Variants in ELMO1 observed in about 807,000 individuals in gnomAD.
ELMO1 encodes the protein engulfment and cell motility protein 1.
In ELMO1, 26 loss-of-function variants were observed where a neutral mutation model predicts 98.9. The ratio of observed to expected loss-of-function variants is 0.26; its 90% CI spans 0.19 to 0.36. The LOEUF is 0.36. Among genes scored for constraint, ELMO1 ranks in the 10% least tolerant of loss-of-function variants. The pLI, the probability that ELMO1 is intolerant of heterozygous loss-of-function variation, is 1.00. For synonymous variants in ELMO1, 346 were observed against 346.0 expected (o/e 1.00, Z 0.00); for missense variants, 627 against 935.2 (o/e 0.67, Z 4.30).
chr7:37,320,151 C>T (rs1370417894), intron 2 of ELMO1, among the ~76,000 whole-genome samples: 2 of 152,088 alleles, frequency 1.3e-5, no homozygotes, highest in Non-Finnish European at 2.9e-5. Context: ...GTGGCCCATG[C>T]CTGTAGTTCC....
chr7:37,155,755 G>A (rs1040637838), intron 13 of ELMO1, among the ~76,000 whole-genome samples: 2 of 152,012 alleles, frequency 1.3e-5, no homozygotes, highest in Non-Finnish European at 2.9e-5. Flanking sequence ...GTCAATATTA[G>A]ACAGATCAAC....
At chr7:37,376,762 C>T (rs1016331166) in intron 1 of ELMO1, among the ~76,000 whole-genome samples, 2 of 152,198 alleles carry the variant, frequency 1.3e-5, no homozygotes, top group Non-Finnish European at 2.9e-5. Context: ...TCCTCCTGCT[C>T]GGCTGCCTTG....
At chr7:37,353,257 G>A (rs1801357545) in intron 1 of ELMO1, 1 of 152,198 alleles carries the variant, frequency 6.6e-6, no homozygotes, top group Non-Finnish European at 1.5e-5. Flanking sequence ...CGGTCTCACT[G>A]CCTTTAAGAA....
chr7:36,921,965 C>T (rs777945030), intron 16 of ELMO1, among the ~76,000 whole-genome samples: 6 of 152,144 alleles, frequency 3.9e-5, no homozygotes, highest in East Asian at 1.9e-4. Context: ...GGAGTTTTCC[C>T]TATTCCCCAT....
chr7:36,986,708 TCA>T (rs1482167281), intron 16 of ELMO1, among the ~76,000 whole-genome samples: 2 of 152,270 alleles, frequency 1.3e-5, no homozygotes, highest in South Asian at 2.1e-4. Context: ...TACCTTCTCT[TCA>T]CACACAGTTT....
At chr7:37,353,400 G>T in intron 1 of ELMO1, 1 of 157,488 alleles carries the variant, frequency 6.3e-6, no homozygotes. Context: ...GAGTGATACC[G>T]CAGACTTTCA....
At chr7:36,868,976 T>A (rs1021733123) in intron 20 of ELMO1, among the ~76,000 whole-genome samples, 2 of 152,178 alleles carry the variant, frequency 1.3e-5, no homozygotes, top group South Asian at 2.1e-4. Flanking sequence ...ATGTGCAGCA[T>A]ATGGTAATCC....
chr7:37,110,208 C>A (rs1457000662), intron 14 of ELMO1, among the ~76,000 whole-genome samples: 2 of 152,140 alleles, frequency 1.3e-5, no homozygotes, highest in Admixed American at 6.5e-5. Context: ...TTTCAGAATT[C>A]TTTCCTTTTT....
intron 16 of ELMO1, among the ~76,000 whole-genome samples, chr7:36,991,197 T>C (rs1378429431): frequency 6.6e-6 from 1 of 152,192 alleles, no homozygotes; most frequent in Non-Finnish European, 1.5e-5. Context: ...TTAGGGTGTA[T>C]ATGCAGTAGG....
intron 1 of ELMO1, among the ~76,000 whole-genome samples, chr7:37,441,656 T>C (rs977067761): frequency 6.6e-6 from 1 of 152,236 alleles, no homozygotes; most frequent in Admixed American, 6.5e-5. Context: ...ATTGCCATTA[T>C]GTAAAGGTTA....
At chr7:37,285,454 A>T (rs1476578716) in intron 4 of ELMO1, among the ~76,000 whole-genome samples, 3 of 152,224 alleles carry the variant, frequency 2.0e-5, no homozygotes, top group African/African-American at 7.2e-5. Context: ...GAAGCAAATT[A>T]TGGTAAGGCA....
intron 13 of ELMO1, among the ~76,000 whole-genome samples, chr7:37,171,533 C>T (rs1358499510): frequency 9.0e-6 from 1 of 111,714 alleles, no homozygotes; most frequent in Non-Finnish European, 1.7e-5. Context: ...CGCTCTGTCA[C>T]CCAGGCTGGA....
chr7:36,991,882 A>G (rs1368761612), intron 16 of ELMO1, among the ~76,000 whole-genome samples: 2 of 152,258 alleles, frequency 1.3e-5, no homozygotes, highest in Non-Finnish European at 2.9e-5. Flanking sequence ...TTCAGATAAC[A>G]TGTCTCCAGT....
At chr7:36,873,265 T>C (rs770276236) in intron 19 of ELMO1, among the ~76,000 whole-genome samples, 2 of 152,196 alleles carry the variant, frequency 1.3e-5, no homozygotes, top group Non-Finnish European at 2.9e-5. Context: ...TCTATTCTCA[T>C]GAGCAGAAAC....
At chr7:37,126,737 C>A (rs982993280) in intron 14 of ELMO1, among the ~76,000 whole-genome samples, 8 of 152,182 alleles carry the variant, frequency 5.3e-5, no homozygotes, top group African/African-American at 1.9e-4. Flanking sequence ...CAGATCCTGC[C>A]TTTCTTCACC....
chr7:37,435,503 C>A (rs1011610703), intron 1 of ELMO1, among the ~76,000 whole-genome samples: 3 of 152,184 alleles, frequency 2.0e-5, no homozygotes, highest in Non-Finnish European at 4.4e-5. Flanking sequence ...TACTGTTATG[C>A]CATTTCTCTG....
intron 13 of ELMO1, among the ~76,000 whole-genome samples, chr7:37,151,841 T>G (rs962166916): frequency 2.0e-5 from 3 of 152,110 alleles, no homozygotes; most frequent in African/African-American, 7.2e-5. Context: ...GAGGAGAAAT[T>G]TTCCACTCTC....
chr7:37,328,722 GAACGT>G (rs1276229319), intron 2 of ELMO1, among the ~76,000 whole-genome samples: 1 of 152,066 alleles, frequency 6.6e-6, no homozygotes, highest in Non-Finnish European at 1.5e-5. Context: ...ATTAACACTG[GAACGT>G]TTGATACCAA....
intron 15 of ELMO1, among the ~76,000 whole-genome samples, chr7:37,090,432 TGTAAG>T (rs1784023055): frequency 6.6e-6 from 1 of 152,226 alleles, no homozygotes; most frequent in African/African-American, 2.4e-5. Context: ...TTCCACTGCC[TGTAAG>T]GTAAAGTCAA....
Sources: gnomAD v4.1 joint callset for allele counts (sites outside exome capture counted in the v4.1 genomes callset) on GRCh38, gnomAD v4.1.1 for gene constraint, MANE v1.5 for transcripts, NCBI Gene and HGNC (gene_info 2026-07-23, HGNC 2026-07-21) for gene names.